Variants in EPG5 observed in about 807,000 individuals in gnomAD.
The protein encoded by EPG5 is ectopic P-granules 5 autophagy tethering factor, also known as ectopic P granules protein 5 homolog.
EPG5 carries 159 observed loss-of-function variants against 302.7 expected under a neutral mutation model. That is an observed-to-expected ratio of 0.53 (90% CI 0.46 to 0.60). The LOEUF (loss-of-function observed/expected upper bound fraction) is 0.60. Among genes scored for constraint, EPG5 ranks in the 20% least tolerant of loss-of-function variants. EPG5 has a pLI of 0.00. For synonymous variants in EPG5, 1,158 were observed against 1,136.8 expected (o/e 1.02, Z -0.37); for missense variants, 2,896 against 3,092.4 (o/e 0.94, Z 1.51).
Position 45,855,750 on chromosome 18 carries a change from A to T in EPG5, c.7443-63T>A, listed in dbSNP as rs1017231054. On this transcript the variant is annotated intron_variant, in intron 42 of 43. Transcript: ENST00000282041. ...TATTAAAGTAAGCATTTTGAAATAA[A>T]CACCATATTTTCTATGACATAAAAA... 3.9e-6 allele frequency: 4 copies of T among 1,032,468 alleles called. No individual in the cohort carries two copies. The Admixed American group carries it at 5.5e-5, about 14-fold the overall frequency. 64.0% of individuals were successfully genotyped at this position (1,032,468 alleles called of 1,614,324 possible).
chr18:45,868,784 A>G (rs563371411), intron 36 of EPG5, among the ~76,000 whole-genome samples: 38 of 151,814 alleles, frequency 2.5e-4, no homozygotes, highest in African/African-American at 8.9e-4. Flanking sequence ...GGCCGGGTGC[A>G]GTGGCTCACA....
chr18:45,873,514 GA>G lies in EPG5; in HGVS notation c.6049+2721del, dbSNP rs933059112. On this transcript the variant is annotated intron_variant, in intron 35 of 43. Transcript: ENST00000282041. ...AACAGAGTGAGACTCAGTCTCAAAG[GA>G]AAAAAAAAAAAAGAAATTAAATATA... 5.4e-3 allele frequency among the ~76,000 whole-genome samples: 704 copies of G among 129,866 alleles called. 2 individuals carry two copies. The highest frequency in any genetic ancestry group is 0.014 in the African/African-American group (507 of 35,564). The allele number at this position is 129,866 out of a possible 152,430, so 85.2% of individuals were successfully genotyped here. A position where few individuals can be genotyped will look rare whatever the true frequency, so the allele number is the denominator to read the frequency against.
chr18:45,857,986 A>G lies in EPG5; in HGVS notation c.7309T>C (p.Ser2437Pro), dbSNP rs755804179. The G allele has an allele frequency of 4.3e-6, 7 of 1,613,806 alleles. No homozygotes were observed. The South Asian group carries it at 7.7e-5, about 18-fold the overall frequency. Residue 2437 changes from serine to proline, a missense_variant, in exon 42 of 44, where the codon TCC becomes CCC. Ser to Pro is a moderately conservative substitution (Grantham distance 74). Coordinates refer to ENST00000282041, the MANE Select transcript of EPG5 (RefSeq NM_020964.3). ...CGAATGACAGATTCTGTCAGGACGG[A>G]GTCATTCTGCTCTGTCTGAATGAGG... is the stretch of plus-strand genomic sequence containing the variant. ...LSLIQTEQND[S>P]VLTESVIRIL...
the EPG5 span, among the ~76,000 whole-genome samples, chr18:45,834,214 C>A: frequency 1.3e-5 from 2 of 152,214 alleles, no homozygotes; most frequent in African/African-American, 4.8e-5. Context: ...TCTAACCACC[C>A]CTACCCTCTC....
Position 45,887,789 on chromosome 18 carries a change from T to C in EPG5, c.5071A>G (p.Arg1691Gly), listed in dbSNP as rs1318587009. 2.5e-6 allele frequency: 4 copies of C among 1,595,642 alleles called. No individual in the cohort carries two copies. The highest frequency in any genetic ancestry group is 2.6e-6 in the Non-Finnish European group (3 of 1,166,354). Residue 1691 changes from arginine (R) to glycine (G), a missense_variant, in exon 29 of 44, where the codon AGG (arginine) becomes GGG (glycine). Arg to Gly is a moderately radical substitution (Grantham distance 125). Transcript: ENST00000282041. ...SDETQRHPPT[R>G]QFFTSCIEIL... ...TCAATACATGAAGTAAAGAACTGCC[T>C]TGTTGGGGGATGACGCTGCGTCTCA...
chr18:45,883,613 TG>T (rs1671745032), intron 30 of EPG5, among the ~76,000 whole-genome samples: 8 of 72,504 alleles, frequency 1.1e-4, no homozygotes, highest in Admixed American at 8.2e-4. Context: ...ACTAGCCTGG[TG>T]TTTTTTTTTT....
At position 45,913,835 on chromosome 18, in the gene EPG5, T is replaced by C. The variant is rs1399529293; in HGVS notation, c.3694-7A>G. 5 of 1,613,132 alleles carry C rather than the reference T, an allele frequency of 3.1e-6. No individual in the cohort carries two copies. The highest frequency in any genetic ancestry group is 1.6e-4 in the Middle Eastern group (1 of 6,074). Reference sequence around the variant, plus strand: ...CTGTCCAGGCAAACCAGACCTATAATGACACCAGATAAAGGGGAGGGGAAG... The same window carrying C: ...CTGTCCAGGCAAACCAGACCTATAACGACACCAGATAAAGGGGAGGGGAAG... On this transcript the variant is annotated splice_region_variant and splice_polypyrimidine_tract_variant and intron_variant, in intron 20 of 43. Coordinates refer to ENST00000282041, the MANE Select transcript of EPG5 (RefSeq NM_020964.3).
intron 26 of EPG5, 90 bp downstream of exon 26, chr18:45,900,906 C>T (rs1024763069): frequency 1.4e-6 from 2 of 1,413,280 alleles, no homozygotes; most frequent in Non-Finnish European, 1.9e-6. Context: ...TGTAAAAATG[C>T]TGACAAGGAA....
At chr18:45,967,047 A>G (rs2051280199) in intron 1 of EPG5, 130 bp downstream of exon 1, 1 of 840,974 alleles carries the variant, frequency 1.2e-6, no homozygotes, top group South Asian at 1.8e-5. Context: ...GGGATCAAAT[A>G]TTGGAAGGTG....
At chr18:45,835,088 A>AT in the EPG5 span, among the ~76,000 whole-genome samples, 1 of 152,144 alleles carries the variant, frequency 6.6e-6, no homozygotes, top group African/African-American at 2.4e-5. Flanking sequence ...GAAAAAAAAA[A>AT]GGAGATTAGG....
chr18:45,809,331 C>CA, the EPG5 span, among the ~76,000 whole-genome samples: 145 of 150,990 alleles, frequency 9.6e-4, no homozygotes, highest in Middle Eastern at 0.014. Flanking sequence ...AGAAAGGCAA[C>CA]AAAAAAAATT....
rs764071067 is a variant in EPG5 at position 45,879,206 on chromosome 18, C to T, written c.5676G>A (p.Glu1892=). The T allele has an allele frequency of 1.9e-6, 3 of 1,605,214 alleles. No homozygotes were observed. The highest frequency in any genetic ancestry group is 3.5e-5 in the Admixed American group (2 of 57,734). ...AAAAGTCTGAAAGCCACTGTATAGT[C>T]TCCATTACCTGGAAGAGACAACTAG... is the stretch of plus-strand genomic sequence containing the variant. The part of the protein sequence containing the change: ...DALLSDKQVM[E]TIQWLSDFFY... The change falls in exon 33 of 44, where the codon GAG becomes GAA. Residue 1892 remains glutamate, a synonymous_variant. Transcript: ENST00000282041.
intron 7 of EPG5, among the ~76,000 whole-genome samples, chr18:45,944,622 G>A (rs2050747640): frequency 6.6e-6 from 1 of 152,126 alleles, no homozygotes; most frequent in Non-Finnish European, 1.5e-5. Context: ...AGATGTGGTG[G>A]CATGCACCTG....
intron 17 of EPG5, among the ~76,000 whole-genome samples, chr18:45,917,378 C>T (rs1000881223): frequency 6.6e-5 from 10 of 152,214 alleles, no homozygotes; most frequent in African/African-American, 2.2e-4. Context: ...ATATCAGAAG[C>T]ACGATTCCCA....
chr18:45,926,662 A>T (rs922947864), intron 13 of EPG5, among the ~76,000 whole-genome samples: 4 of 151,956 alleles, frequency 2.6e-5, no homozygotes, highest in Non-Finnish European at 5.9e-5. Flanking sequence ...CCTCGTCTCT[A>T]CTAAAAATTA....
chr18:45,867,046 C>A (rs780309561), intron 37 of EPG5, 39 bp from the exon 38 acceptor site: 1 of 1,505,278 alleles, frequency 6.6e-7, no homozygotes, highest in Non-Finnish European at 9.2e-7. Context: ...TCCAGAGCCC[C>A]AATTTTTCCA....
chr18:45,957,134 C>T (rs2051050458), intron 1 of EPG5, among the ~76,000 whole-genome samples: 1 of 151,980 alleles, frequency 6.6e-6, no homozygotes, highest in Non-Finnish European at 1.5e-5. Flanking sequence ...GATTATTCTG[C>T]TCTGAATGTC....
Position 45,922,471 on chromosome 18 carries a change from C to G in EPG5, c.2968G>C (p.Ala990Pro). 6.2e-7 allele frequency: 1 copy of G among 1,614,230 alleles called. No individual in the cohort carries two copies. Among genetic ancestry groups the G allele is most frequent in the East Asian group, 2.2e-5 (1 of 44,886 alleles). Reference protein sequence around the residue: ...NDYGIQPNCPAVPFSVTVPDM... With the variant: ...NDYGIQPNCPPVPFSVTVPDM... ...GGCACAGTGACGGAGAAGGGAACAG[C>G]TGGACAATTCGGCTGTATTCCATAA... The change falls in exon 16 of 44, where the codon GCT (alanine) becomes CCT (proline). Residue 990 changes from alanine (A) to proline (P), a missense_variant. Physicochemically the swap from Ala to Pro is conservative, Grantham distance 27. Coordinates refer to ENST00000282041, the MANE Select transcript of EPG5 (RefSeq NM_020964.3).
At chr18:45,872,226 T>G (rs2048886111) in intron 35 of EPG5, among the ~76,000 whole-genome samples, 1 of 152,236 alleles carries the variant, frequency 6.6e-6, no homozygotes, top group African/African-American at 2.4e-5. Context: ...TACTCAATAT[T>G]ATCCTCACAA....
Sources: gnomAD v4.1 joint callset for allele counts (sites outside exome capture counted in the v4.1 genomes callset) on GRCh38, gnomAD v4.1.1 for gene constraint, MANE v1.5 for transcripts, NCBI Gene and HGNC (gene_info 2026-07-23, HGNC 2026-07-21) for gene names.